Variants in PRC1 observed in about 807,000 individuals in gnomAD.
The protein encoded by PRC1 is protein regulator of cytokinesis 1.
In PRC1, 54 loss-of-function variants were observed where a neutral mutation model predicts 91.2. The ratio of observed to expected loss-of-function variants is 0.59; its 90% confidence interval spans 0.48 to 0.74. PRC1 has a LOEUF of 0.74. Among genes scored for constraint, PRC1 ranks in the 30% least tolerant of loss-of-function variants. The probability of loss-of-function intolerance (pLI) is 0.00; values close to 1 mark genes in which losing one functional copy is unlikely to be tolerated. For synonymous variants in PRC1, 275 were observed against 263.6 expected (o/e 1.04, Z -0.42); for missense variants, 727 against 746.2 (o/e 0.97, Z 0.30).
At chr15:90,968,374 A>AC in intron 14 of PRC1, 1 of 985,532 alleles carries the variant, frequency 1.0e-6, no homozygotes, top group Non-Finnish European at 1.2e-6. Flanking sequence ...TCCCTGCAGC[A>AC]ATTAAGAGGG....
chr15:90,978,786 CAGGGTGGG>C (rs2038952879), intron 8 of PRC1, among the ~76,000 whole-genome samples: 1 of 138,140 alleles, frequency 7.2e-6, no homozygotes, highest in African/African-American at 2.7e-5. Flanking sequence ...AAAGTGCCAT[CAGGGTGGG>C]AGCTCTAGCA....
intron 1 of PRC1, chr15:90,985,659 A>C (rs1377296387): frequency 6.6e-6 from 1 of 151,676 alleles, no homozygotes; most frequent in Non-Finnish European, 1.5e-5. Flanking sequence ...CCCAGGTTCA[A>C]GTGATTCTCC....
intron 8 of PRC1, 83 bp downstream of exon 8, chr15:90,979,075 T>C (rs2038976472): frequency 6.8e-7 from 1 of 1,462,872 alleles, no homozygotes; most frequent in Admixed American, 2.2e-5. Flanking sequence ...ATCAAAAGCC[T>C]GGCAAAGAAC....
chr15:90,984,250 A>G lies in PRC1; in HGVS notation c.145-110T>C. ...TTTTCTTTTTCTTTTTTTCTTTGAG[A>G]TGGAGTCTCGCTCTGTTGCCCAGGC... On this transcript the variant is annotated intron_variant, in intron 2 of 14. Coordinates refer to ENST00000394249, the MANE Select transcript of PRC1 (RefSeq NM_003981.4). This position sits in a 1 kb window ranked among gnomAD's most constrained non-coding sequence, Gnocchi z 5.1. The G allele has an allele frequency of 2.1e-6, 3 of 1,420,738 alleles. No individual in the cohort carries two copies. The highest frequency in any genetic ancestry group is 4.7e-5 in the East Asian group (2 of 43,004). The allele number at this position is 1,420,738 out of a possible 1,614,324, so 88.0% of individuals were successfully genotyped here.
intron 6 of PRC1, 188 bp from the exon 7 acceptor site, chr15:90,980,577 G>T: frequency 1.4e-6 from 1 of 734,574 alleles, no homozygotes. Context: ...GGAGTGCAGT[G>T]GCGCGATTCT....
At chr15:90,992,432 T>A (rs1029557704) in intron 1 of PRC1, among the ~76,000 whole-genome samples, 1 of 152,208 alleles carries the variant, frequency 6.6e-6, no homozygotes, top group South Asian at 2.1e-4. Flanking sequence ...TATTATTTTT[T>A]AAATAGAGAC....
chr15:90,986,397 G>C (rs1331279792), intron 1 of PRC1, among the ~76,000 whole-genome samples: 1 of 152,226 alleles, frequency 6.6e-6, no homozygotes, highest in Non-Finnish European at 1.5e-5. Context: ...GGGAGGCCGA[G>C]GGGAGCAGAT....
chr15:90,968,933 G>GT (rs1051586906), intron 14 of PRC1, 146 bp downstream of exon 14: 5 of 1,482,366 alleles, frequency 3.4e-6, no homozygotes, highest in East Asian at 2.5e-5. Context: ...AATCAGATGT[G>GT]TTTTTTTGAG....
chr15:90,978,192 G>GAAGAAAAGGAATCAATACCCATGC (rs1416096189), intron 8 of PRC1, among the ~76,000 whole-genome samples: 9 of 152,174 alleles, frequency 5.9e-5, no homozygotes, highest in Non-Finnish European at 8.8e-5. Flanking sequence ...TTGCCTATCA[G>GAAGAAAAGGAATCAATACCCATGC]AAGAAAAGGA....
In PRC1 at chr15:90,981,577, T is replaced by A; in HGVS notation, c.594A>T (p.Arg198Ser). 6.2e-7 allele frequency: 1 copy of A among 1,614,104 alleles called. No homozygotes were observed. Among genetic ancestry groups the A allele is most frequent in the Non-Finnish European group, 8.5e-7 (1 of 1,180,020 alleles). Residue 198 changes from arginine to serine, a missense_variant, in exon 5 of 15, where the codon AGA becomes AGT. Arg to Ser is a moderately radical substitution (Grantham distance 110, BLOSUM62 -1). Transcript: ENST00000394249. ...LDHTPDTSFE[R>S]DVVCEDEDAF... ...CATCTTCGTCTTCACACACCACATC[T>A]CTTTCAAAGCTTGTGTCTGGGGTGT...
chr15:90,981,455 T>C (rs773994212), intron 5 of PRC1, 44 bp downstream of exon 5: 4 of 1,605,390 alleles, frequency 2.5e-6, no homozygotes, highest in Non-Finnish European at 3.4e-6. Context: ...TTCAAACTGC[T>C]ATATACTACG....
In PRC1 at chr15:90,967,374, C is replaced by T. The variant is rs565710884; in HGVS notation, c.1792-172G>A. On this transcript the variant is annotated intron_variant, in intron 14 of 14. Transcript: ENST00000394249. The stretch of plus-strand genomic sequence containing the variant: ...AAGGTGAGGAACTCTGAGCACCATT[C>T]TATTAGTCACAGACAGAGTGCATGT... The T allele has an allele frequency of 1.6e-5, 10 of 616,066 alleles. 1 individual carries two copies. Among genetic ancestry groups the T allele is most frequent in the East Asian group, 5.6e-5 (2 of 36,012 alleles). The allele number at this position is 616,066 out of a possible 1,614,324, so 38.2% of individuals were successfully genotyped here. A position where few individuals can be genotyped will look rare whatever the true frequency, so the allele number is the denominator to read the frequency against.
intron 5 of PRC1, 96 bp from the exon 6 acceptor site, chr15:90,981,129 A>C (rs963416737): frequency 4.4e-5 from 67 of 1,509,010 alleles, no homozygotes; most frequent in Middle Eastern, 2.0e-4. Context: ...GTAGAGGAGG[A>C]GGCACTTTCA....
At chr15:90,987,109 TAAAA>T (rs34262021) in intron 1 of PRC1, among the ~76,000 whole-genome samples, 9 of 125,014 alleles carry the variant, frequency 7.2e-5, no homozygotes, top group African/African-American at 6.1e-5. Context: ...CTCTGCGTCT[TAAAA>T]AAAAAAAAAA....
Position 90,981,819 on chromosome 15 carries a change from T to C in PRC1, c.430A>G (p.Ser144Gly), listed in dbSNP as rs754761543. The change falls in exon 4 of 15, where the codon AGT (serine) becomes GGT (glycine). Residue 144 changes from serine (S) to glycine (G), a missense_variant. Ser to Gly is a moderately conservative substitution (Grantham distance 56, BLOSUM62 0). Coordinates refer to ENST00000394249, the MANE Select transcript of PRC1 (RefSeq NM_003981.4). ...ILCMPHYDIDSASVPSLEELN... is the reference protein window; with the variant it reads ...ILCMPHYDIDGASVPSLEELN... ...TCTTCTAAGCTGGGCACTGAGGCAC[T>C]GTCAATATCATAGTGGGGCATACAA... The C allele has an allele frequency of 1.2e-6, 2 of 1,614,134 alleles. No homozygotes were observed. Among genetic ancestry groups the C allele is most frequent in the Non-Finnish European group, 1.7e-6 (2 of 1,180,040 alleles).
At chr15:90,980,188 A>G in intron 7 of PRC1, 54 bp downstream of exon 7, 1 of 1,489,212 alleles carries the variant, frequency 6.7e-7, no homozygotes, top group Non-Finnish European at 8.9e-7. Context: ...GCTGGGCAAC[A>G]GAGTAAGACC....
intron 1 of PRC1, among the ~76,000 whole-genome samples, chr15:90,987,017 T>C (rs2039629982): frequency 1.3e-5 from 2 of 151,054 alleles, no homozygotes; most frequent in Admixed American, 1.3e-4. Flanking sequence ...TTCACGCCTG[T>C]ATTCCTAGCA....
At chr15:90,967,733 G>GT in intron 14 of PRC1, 3 of 695,982 alleles carry the variant, frequency 4.3e-6, no homozygotes, top group Non-Finnish European at 5.3e-6. Context: ...TAGTTTAGGT[G>GT]TGTAGGCTGT....
chr15:90,992,913 G>C (rs939373617), intron 1 of PRC1, among the ~76,000 whole-genome samples: 4 of 151,558 alleles, frequency 2.6e-5, no homozygotes, highest in Non-Finnish European at 4.4e-5. Context: ...TAGCATTCCA[G>C]AGAAGGAGCT....
Sources: gnomAD v4.1 joint callset for allele counts (sites outside exome capture counted in the v4.1 genomes callset) on GRCh38, gnomAD v4.1.1 for gene constraint, Gnocchi (gnomAD v3.1) non-coding constraint, MANE v1.5 for transcripts, NCBI Gene and HGNC (gene_info 2026-07-23, HGNC 2026-07-21) for gene names.